The following ATP11B variants were observed in gnomAD, a reference collection of about 807,000 sequenced individuals.
The protein encoded by ATP11B is phospholipid-transporting ATPase IF.
Under a neutral mutation model 157.8 loss-of-function variants are expected in ATP11B, and 81 were observed. The ratio of observed to expected loss-of-function variants is 0.51; its 90% CI spans 0.43 to 0.62. ATP11B has a LOEUF of 0.62. Ranked by LOEUF, ATP11B falls within the 20% of genes least tolerant of loss-of-function variation. The pLI is 0.00. For synonymous variants in ATP11B, 451 were observed against 469.4 expected, an observed-to-expected ratio of 0.96 and a Z score of 0.51; for missense variants, 1,165 against 1,402.2, an observed-to-expected ratio of 0.83 and a Z score of 2.70.
At chr3:182,883,160 T>TA (rs1358324039) in intron 21 of ATP11B, among the ~76,000 whole-genome samples, 3 of 151,848 alleles carry the variant, frequency 2.0e-5, no homozygotes, top group Admixed American at 2.0e-4. Context: ...TTTCTTCTAG[T>TA]AAAAAAAATT....
intron 17 of ATP11B, 25 bp downstream of exon 17, chr3:182,869,356 A>T (rs1341295585): frequency 7.4e-7 from 1 of 1,344,416 alleles, no homozygotes; most frequent in African/African-American, 1.5e-5. Flanking sequence ...CTATGATTTA[A>T]AAAACTCTAA....
At chr3:182,913,259 G>A (rs1044170275) in intron 28 of ATP11B, among the ~76,000 whole-genome samples, 2 of 152,194 alleles carry the variant, frequency 1.3e-5, no homozygotes, top group Non-Finnish European at 2.9e-5. Flanking sequence ...GATAAATGAT[G>A]CTTTTTTCAA....
intron 18 of ATP11B, among the ~76,000 whole-genome samples, chr3:182,873,210 A>G (rs1284258017): frequency 4.6e-5 from 7 of 152,102 alleles, no homozygotes; most frequent in Admixed American, 4.6e-4. Context: ...ACCTATCTCA[A>G]TGTCTGTTTC....
intron 28 of ATP11B, among the ~76,000 whole-genome samples, chr3:182,911,788 T>C (rs1390143209): frequency 6.6e-6 from 1 of 152,144 alleles, no homozygotes; most frequent in Non-Finnish European, 1.5e-5. Flanking sequence ...GTTTAAGTGC[T>C]TGTGCCAATT....
At chr3:182,874,039 A>G in intron 19 of ATP11B, 24 bp downstream of exon 19, 2 of 1,603,344 alleles carry the variant, frequency 1.2e-6, no homozygotes, top group East Asian at 2.2e-5. Context: ...AACCTGTATC[A>G]TACCTTTCAG....
intron 28 of ATP11B, among the ~76,000 whole-genome samples, chr3:182,904,935 C>T (rs1195744749): frequency 7.8e-6 from 1 of 128,038 alleles, no homozygotes; most frequent in South Asian, 3.0e-4. Flanking sequence ...AACTTATTAA[C>T]AATTTTCTTT....
At position 182,869,129 on chromosome 3, in the gene ATP11B, T is replaced by C; in HGVS notation, c.1740T>C (p.Ser580=). The change falls in exon 16 of 30, where the codon AGT becomes AGC. Residue 580 remains serine (S), a synonymous_variant. Transcript: ENST00000323116. ...TTGATTCAGATCGTAGGAGAATGAG[T>C]GTAATTGTTCAGGCACCTTCAGGTA... ...LEFDSDRRRM[S]VIVQAPSGEK... The C allele has an allele frequency of 1.9e-6, 3 of 1,611,822 alleles. No individual in the cohort carries two copies. Among genetic ancestry groups the C allele is most frequent in the South Asian group, 1.1e-5 (1 of 90,566 alleles).
intron 23 of ATP11B, among the ~76,000 whole-genome samples, chr3:182,886,862 C>T (rs1722826647): frequency 6.6e-6 from 1 of 152,146 alleles, no homozygotes; most frequent in Non-Finnish European, 1.5e-5. Context: ...CAACCTGTAA[C>T]TCTAAATTCC....
rs893587517 is a variant in ATP11B at position 182,836,936 on chromosome 3, T to C, written c.553-135T>C. ...CCCTTGTTTATTTTACATGTTTCTTTCTCTTCTGTTGTCTAGCTGAGTGAT... is the reference window on the plus strand; with the variant it reads ...CCCTTGTTTATTTTACATGTTTCTTCCTCTTCTGTTGTCTAGCTGAGTGAT... On this transcript the variant is annotated intron_variant, in intron 6 of 29. Transcript: ENST00000323116. 4 of 639,930 alleles carry C rather than the reference T, an allele frequency of 6.3e-6. No individual in the cohort carries two copies. The African/African-American group carries it at 7.4e-5, about 12-fold the overall frequency. The allele number at this position is 639,930 out of a possible 1,614,324, so 39.6% of individuals were successfully genotyped here. A position where few individuals can be genotyped will look rare whatever the true frequency, so the allele number is the denominator to read the frequency against.
intron 19 of ATP11B, among the ~76,000 whole-genome samples, chr3:182,875,596 C>T (rs529008970): frequency 1.3e-5 from 2 of 152,264 alleles, no homozygotes; most frequent in African/African-American, 2.4e-5. Flanking sequence ...CATGCACCAC[C>T]GTGCCCAGCT....
At chr3:182,815,515 T>C (rs1231305504) in intron 1 of ATP11B, among the ~76,000 whole-genome samples, 3 of 152,226 alleles carry the variant, frequency 2.0e-5, no homozygotes, top group Non-Finnish European at 4.4e-5. Context: ...CATGTGCCTG[T>C]ATACTTTGAA....
intron 1 of ATP11B, among the ~76,000 whole-genome samples, chr3:182,810,438 A>C (rs1716587571): frequency 6.6e-6 from 1 of 152,092 alleles, no homozygotes; most frequent in Admixed American, 6.5e-5. Flanking sequence ...TTTAGGATTT[A>C]CTGAGTCTTT....
intron 25 of ATP11B, among the ~76,000 whole-genome samples, chr3:182,891,151 CAT>C (rs755151596): frequency 2.6e-4 from 40 of 152,166 alleles, no homozygotes; most frequent in Non-Finnish European, 5.4e-4. Context: ...AATATATAGA[CAT>C]ATGAGTGAGT....
chr3:182,865,565 T>C lies in ATP11B; in HGVS notation c.1310T>C (p.Val437Ala), dbSNP rs1454736666. The change falls in exon 13 of 30, where the codon GTA becomes GCA. Residue 437 changes from valine to alanine, a missense_variant. This residue lies in a region of ATP11B where 737 missense variants were observed against 930.5 expected (regional missense o/e 0.79). Coordinates refer to ENST00000323116, the MANE Select transcript of ATP11B (RefSeq NM_014616.3). ...MKYQEINGRL[V>A]PEGPTPDSSE... ...TACCAAGAAATTAATGGTAGACTTGTACCCGAAGGACCAACACCAGACTCT... is the reference window on the plus strand; with the variant it reads ...TACCAAGAAATTAATGGTAGACTTGCACCCGAAGGACCAACACCAGACTCT... The C allele has an allele frequency of 1.1e-5, 18 of 1,613,888 alleles. No homozygotes were observed. The highest frequency in any genetic ancestry group is 1.5e-5 in the Non-Finnish European group (18 of 1,179,868).
At chr3:182,825,857 G>A (rs551653917) in intron 2 of ATP11B, among the ~76,000 whole-genome samples, 43 of 152,064 alleles carry the variant, frequency 2.8e-4, no homozygotes, top group Non-Finnish European at 4.4e-4. Flanking sequence ...CCAAGATTGC[G>A]CCACTGCACT....
Position 182,828,222 on chromosome 3 carries a change from A to C in ATP11B, c.234+13A>C. ...ATTTTTGGTTCAGGTAAGCTTTATTACTCAATCTTAAGTTTGTAAACATAG... is the reference window on the plus strand; with the variant it reads ...ATTTTTGGTTCAGGTAAGCTTTATTCCTCAATCTTAAGTTTGTAAACATAG... On this transcript the variant is annotated intron_variant, in intron 3 of 29. Transcript: ENST00000323116. 1 of 1,233,364 alleles carries C rather than the reference A, an allele frequency of 8.1e-7. No homozygotes were observed. The highest frequency in any genetic ancestry group is 1.1e-6 in the Non-Finnish European group (1 of 879,948). The allele number at this position is 1,233,364 out of a possible 1,614,324, so 76.4% of individuals were successfully genotyped here.
At chr3:182,818,702 G>A (rs73883904) in intron 1 of ATP11B, among the ~76,000 whole-genome samples, 5,296 of 152,188 alleles carry the variant, frequency 0.035, 315 homozygotes, top group African/African-American at 0.12. Context: ...AAGTTACATG[G>A]GATCTCACAC....
intron 29 of ATP11B, chr3:182,916,986 T>C: frequency 1.0e-6 from 1 of 984,520 alleles, no homozygotes; most frequent in African/African-American, 1.7e-5. Flanking sequence ...TCAGACACAG[T>C]TCTAGATGCT....
chr3:182,864,895 T>G (rs992801274), intron 12 of ATP11B, among the ~76,000 whole-genome samples: 1 of 152,200 alleles, frequency 6.6e-6, no homozygotes, highest in Non-Finnish European at 1.5e-5. Flanking sequence ...TTACTTACTT[T>G]TAAAAATATG....
Sources: gnomAD v4.1 joint callset for allele counts (sites outside exome capture counted in the v4.1 genomes callset) on GRCh38, gnomAD v4.1.1 for gene constraint, gnomAD v4.1.1 regional missense constraint, MANE v1.5 for transcripts, NCBI Gene and HGNC (gene_info 2026-07-23, HGNC 2026-07-21) for gene names.